Variants in SNX24 observed in about 807,000 individuals in gnomAD.
SNX24 encodes sorting nexin-24.
SNX24 carries 22 observed loss-of-function variants against 28.7 expected under a neutral mutation model. The ratio of observed to expected loss-of-function variants is 0.77; its 90% CI spans 0.55 to 1.10. The LOEUF (loss-of-function observed/expected upper bound fraction) is 1.10. Ranked by LOEUF, SNX24 falls within the 50% of genes least tolerant of loss-of-function variation. SNX24 has a pLI of 0.00. For missense variants in SNX24, 221 were observed against 201.1 expected (o/e 1.10, Z -0.60); for synonymous variants, 69 against 71.5 (o/e 0.96, Z 0.18).
intron 1 of SNX24, among the ~76,000 whole-genome samples, chr5:122,855,026 A>T (rs1755118610): frequency 6.6e-6 from 1 of 151,820 alleles, no homozygotes; most frequent in Admixed American, 6.6e-5. Context: ...CTGACTGATC[A>T]GGGTGGTGGT....
At chr5:122,937,435 G>A (rs1759226073) in intron 2 of SNX24, among the ~76,000 whole-genome samples, 2 of 152,174 alleles carry the variant, frequency 1.3e-5, no homozygotes, top group African/African-American at 2.4e-5. Flanking sequence ...GAGCTTTGGG[G>A]AGAAATGGTT....
At chr5:122,904,133 A>G (rs561774573) in intron 1 of SNX24, among the ~76,000 whole-genome samples, 224 of 152,100 alleles carry the variant, frequency 1.5e-3, no homozygotes, top group Middle Eastern at 0.01. Flanking sequence ...TGAGAATGAT[A>G]GATTGTTGAA....
chr5:122,891,018 A>G lies in SNX24; in HGVS notation c.60+45325A>G, dbSNP rs1013780244. On this transcript the variant is annotated intron_variant, in intron 1 of 6. Coordinates refer to ENST00000261369, the MANE Select transcript of SNX24 (RefSeq NM_014035.4). ...AAACCCAAAGCCTCTTTTCTGTCTT[A>G]CCTCTCAGGTGGTAATAGTTTGGCA... 1.2e-5 allele frequency: 18 copies of G among 1,469,126 alleles called. No individual in the cohort carries two copies. The African/African-American group carries it at 1.4e-4, about 12-fold the overall frequency. 91.0% of individuals were successfully genotyped at this position (1,469,126 alleles called of 1,614,324 possible).
intron 5 of SNX24, among the ~76,000 whole-genome samples, chr5:123,027,452 A>G (rs1172002502): frequency 2.0e-5 from 3 of 152,214 alleles, no homozygotes; most frequent in Admixed American, 6.5e-5. Flanking sequence ...TGCCAGCACC[A>G]TTCCTATGGC....
intron 5 of SNX24, among the ~76,000 whole-genome samples, chr5:123,019,812 C>T (rs1159789935): frequency 1.3e-5 from 2 of 152,304 alleles, no homozygotes; most frequent in East Asian, 1.9e-4. Flanking sequence ...ATTTCAAAAG[C>T]TTTTGCAGAA....
chr5:122,933,453 G>T (rs1382970106), intron 1 of SNX24, among the ~76,000 whole-genome samples: 2 of 152,164 alleles, frequency 1.3e-5, no homozygotes, highest in African/African-American at 4.8e-5. Flanking sequence ...TAAACTCAGG[G>T]GATCACAGGG....
chr5:122,997,325 T>A (rs1394092378), intron 3 of SNX24, among the ~76,000 whole-genome samples: 3 of 152,212 alleles, frequency 2.0e-5, no homozygotes, highest in African/African-American at 4.8e-5. Context: ...GAAAATATTA[T>A]TTGAGAATAT....
At chr5:122,942,644 A>G (rs1759505937) in intron 2 of SNX24, among the ~76,000 whole-genome samples, 1 of 152,224 alleles carries the variant, frequency 6.6e-6, no homozygotes, top group Non-Finnish European at 1.5e-5. Flanking sequence ...CACCAGGAAA[A>G]GGAGATTGTG....
chr5:122,970,806 T>G (rs2150147191), intron 3 of SNX24, among the ~76,000 whole-genome samples: 1 of 152,288 alleles, frequency 6.6e-6, no homozygotes, highest in African/African-American at 2.4e-5. Context: ...CACACTAGTT[T>G]ACTAACTAAC....
At chr5:122,969,023 T>C (rs957871959) in intron 3 of SNX24, among the ~76,000 whole-genome samples, 3 of 152,162 alleles carry the variant, frequency 2.0e-5, no homozygotes, top group Non-Finnish European at 4.4e-5. Context: ...AAAAAACGTT[T>C]GGAAAATACT....
At chr5:122,866,963 C>T (rs1755747624) in intron 1 of SNX24, among the ~76,000 whole-genome samples, 1 of 152,186 alleles carries the variant, frequency 6.6e-6, no homozygotes, top group Non-Finnish European at 1.5e-5. Flanking sequence ...AAACATTTTG[C>T]TAGTGGGTCA....
At chr5:122,865,981 A>T (rs1054349406) in intron 1 of SNX24, among the ~76,000 whole-genome samples, 8 of 152,224 alleles carry the variant, frequency 5.3e-5, no homozygotes, top group African/African-American at 1.9e-4. Flanking sequence ...ATTATGACAT[A>T]AAGTCAATAC....
downstream of SNX24, among the ~76,000 whole-genome samples, chr5:123,012,845 A>G (rs1030278735): frequency 6.6e-6 from 1 of 152,144 alleles, no homozygotes; most frequent in East Asian, 1.9e-4. Flanking sequence ...TAAACCAGAG[A>G]TTTGCATCAG....
intron 3 of SNX24, among the ~76,000 whole-genome samples, chr5:122,979,458 A>G (rs1223091621): frequency 2.0e-5 from 3 of 152,112 alleles, no homozygotes; most frequent in Non-Finnish European, 2.9e-5. Context: ...GTGGAAGCCA[A>G]GAAGGGCTTA....
chr5:122,920,202 A>G (rs1270227228), intron 1 of SNX24, among the ~76,000 whole-genome samples: 1 of 152,202 alleles, frequency 6.6e-6, no homozygotes, highest in Admixed American at 6.5e-5. Flanking sequence ...CATGTGGTGA[A>G]GCCTTTTTGA....
In SNX24 at chr5:123,001,425, C is replaced by G. The variant is rs760625495; in HGVS notation, c.365C>G (p.Ser122Cys). Residue 122 changes from serine (S) to cysteine (C), a missense_variant, in exon 5 of 7, where the codon TCT becomes TGT. Coordinates refer to ENST00000261369, the MANE Select transcript of SNX24 (RefSeq NM_014035.4). ...ESCGSFDETE[S>C]EESSKLSHQP... ...TTTAGATCTTTTGATGAAACAGAGT[C>G]TGAAGAGTCAAGGTAAGGACTAATC... is the stretch of plus-strand genomic sequence containing the variant. 13 of 1,605,602 alleles carry G rather than the reference C, an allele frequency of 8.1e-6. No homozygotes were observed. Among genetic ancestry groups the G allele is most frequent in the Non-Finnish European group, 1.0e-5 (12 of 1,173,544 alleles).
At chr5:122,999,295 A>G (rs1027895792) in intron 3 of SNX24, among the ~76,000 whole-genome samples, 3 of 152,166 alleles carry the variant, frequency 2.0e-5, no homozygotes, top group African/African-American at 4.8e-5. Flanking sequence ...CTTAGCAGTA[A>G]AGTTGTTACT....
chr5:122,910,384 T>C (rs571332758), intron 1 of SNX24, among the ~76,000 whole-genome samples: 45 of 152,184 alleles, frequency 3.0e-4, no homozygotes, highest in Non-Finnish European at 5.0e-4. Flanking sequence ...GTTATTAGAA[T>C]ATAGGGAATA....
intron 6 of SNX24, 64 bp downstream of exon 6, chr5:123,002,068 G>T (rs761612031): frequency 1.3e-5 from 17 of 1,272,860 alleles, no homozygotes; most frequent in Non-Finnish European, 1.8e-5. Flanking sequence ...CATAAACCAC[G>T]TTTTTAATAC....
Sources: gnomAD v4.1 joint callset for allele counts (sites outside exome capture counted in the v4.1 genomes callset) on GRCh38, gnomAD v4.1.1 for gene constraint, MANE v1.5 for transcripts, NCBI Gene and HGNC (gene_info 2026-07-23, HGNC 2026-07-21) for gene names.